The following MAGI2 variants were observed in gnomAD, a reference collection of about 807,000 sequenced individuals.
The protein encoded by MAGI2 is membrane-associated guanylate kinase, WW and PDZ domain-containing protein 2.
A neutral mutation model predicts 133.3 loss-of-function variants in MAGI2; 35 were observed. The observed-to-expected ratio is 0.26, with a 90% CI of 0.20 to 0.35. MAGI2 has a LOEUF of 0.35. MAGI2 is among the 10% of genes least tolerant of loss of function. The pLI, the probability that MAGI2 is intolerant of heterozygous loss-of-function variation, is 1.00. For missense variants in MAGI2, 1,636 were observed against 1,863.4 expected, an observed-to-expected ratio of 0.88 and a Z score of 2.25; for synonymous variants, 729 against 710.6, an observed-to-expected ratio of 1.03 and a Z score of -0.41.
At position 78,324,616 on chromosome 7, in the gene MAGI2, T is replaced by C. The variant is rs377691219; in HGVS notation, c.1408+19162A>G. On this transcript the variant is annotated intron_variant, in intron 9 of 21. Coordinates refer to ENST00000354212, the MANE Select transcript of MAGI2 (RefSeq NM_012301.4). Reference sequence around the variant, plus strand: ...ACTCTCAGTGAATGAGTGTTATTATTAGATAACCCATTCCATTGTAAGGTA... The same window carrying C: ...ACTCTCAGTGAATGAGTGTTATTATCAGATAACCCATTCCATTGTAAGGTA... 1.2e-4 allele frequency among the ~76,000 whole-genome samples: 19 copies of C among 152,200 alleles called. No individual in the cohort carries two copies. In the East Asian group the frequency reaches 1.5e-3, roughly 12 times the overall value.
chr7:78,081,221 T>C (rs1815934687), intron 20 of MAGI2, among the ~76,000 whole-genome samples: 1 of 152,204 alleles, frequency 6.6e-6, no homozygotes, highest in African/African-American at 2.4e-5. Context: ...ACTCTGATTA[T>C]TATGCCTCAT....
chr7:79,216,059 T>C (rs1830013019), intron 1 of MAGI2, among the ~76,000 whole-genome samples: 2 of 151,892 alleles, frequency 1.3e-5, no homozygotes, highest in South Asian at 2.1e-4. Flanking sequence ...TGTTCCCTTT[T>C]GGCCCACCAC....
chr7:78,718,588 T>C (rs1339191508), intron 2 of MAGI2, among the ~76,000 whole-genome samples: 1 of 151,746 alleles, frequency 6.6e-6, no homozygotes, highest in East Asian at 1.9e-4. Context: ...TGCCTGATGA[T>C]GTGTCACTGT....
At chr7:78,441,764 A>G (rs1268340046) in intron 6 of MAGI2, among the ~76,000 whole-genome samples, 1 of 152,226 alleles carries the variant, frequency 6.6e-6, no homozygotes, top group African/African-American at 2.4e-5. Flanking sequence ...AATGAAATAC[A>G]GAGGTCTGGG....
rs140835866 is a variant in MAGI2 at position 78,426,709 on chromosome 7, G to A, written c.1046-57496C>T. Among the ~76,000 whole-genome samples the A allele has an allele frequency of 1.5e-3, 225 of 152,194 alleles. 1 individual carries two copies. Among genetic ancestry groups the A allele is most frequent in the South Asian group, 2.7e-3 (13 of 4,814 alleles). On this transcript the variant is annotated intron_variant, in intron 6 of 21. Transcript: ENST00000354212. ...CACATATGTAATTGAAATTCCTGAA[G>A]GTGAGGAGAGAATGTTCCTAAACAA...
chr7:78,025,113 C>T (rs969810148), intron 21 of MAGI2, among the ~76,000 whole-genome samples: 1 of 152,248 alleles, frequency 6.6e-6, no homozygotes, highest in Non-Finnish European at 1.5e-5. Flanking sequence ...TTCATTTCCC[C>T]TCATTGCCTA....
intron 10 of MAGI2, among the ~76,000 whole-genome samples, chr7:78,218,229 C>T (rs1788457033): frequency 6.6e-6 from 1 of 152,202 alleles, no homozygotes; most frequent in Non-Finnish European, 1.5e-5. Context: ...AAGTCTGTGG[C>T]ATGTTGGAAC....
intron 1 of MAGI2, among the ~76,000 whole-genome samples, chr7:79,256,990 T>C (rs1833733411): frequency 6.6e-6 from 1 of 152,144 alleles, no homozygotes; most frequent in Non-Finnish European, 1.5e-5. Flanking sequence ...ATGGTGACTA[T>C]AGTTATTGAC....
intron 2 of MAGI2, among the ~76,000 whole-genome samples, chr7:78,849,134 A>G (rs1204147106): frequency 2.0e-5 from 3 of 152,102 alleles, no homozygotes; most frequent in Non-Finnish European, 4.4e-5. Context: ...TAAACTTCCT[A>G]CACATAAGAG....
chr7:78,476,848 T>C (rs1187099746), intron 6 of MAGI2, among the ~76,000 whole-genome samples: 1 of 149,990 alleles, frequency 6.7e-6, no homozygotes, highest in African/African-American at 2.5e-5. Flanking sequence ...TGCACTGAAT[T>C]GTATCATAAG....
chr7:78,962,615 G>GA (rs368705362), intron 2 of MAGI2, among the ~76,000 whole-genome samples: 6,035 of 141,560 alleles, frequency 0.043, 385 homozygotes, highest in African/African-American at 0.15. Context: ...GAAAATTGTA[G>GA]AAAAAAAAAA....
intron 21 of MAGI2, among the ~76,000 whole-genome samples, chr7:78,028,027 G>C (rs1809132820): frequency 1.3e-5 from 2 of 152,218 alleles, no homozygotes; most frequent in Admixed American, 1.3e-4. Context: ...GGACAGTAAT[G>C]TGAAGTCATT....
Position 78,505,196 on chromosome 7 carries a change from C to T in MAGI2, c.755-3409G>A, listed in dbSNP as rs541080395. Reference sequence around the variant, plus strand: ...ATCATCTTGCTGTCACTATTAATTGCATGGGCCAATTTTTCCCCTCTCTGC... The same window carrying T: ...ATCATCTTGCTGTCACTATTAATTGTATGGGCCAATTTTTCCCCTCTCTGC... On this transcript the variant is annotated intron_variant, in intron 4 of 21. Transcript: ENST00000354212. Among the ~76,000 whole-genome samples, 9 of 152,180 alleles carry T rather than the reference C, an allele frequency of 5.9e-5. No individual in the cohort carries two copies. The South Asian group carries it at 1.9e-3, about 32-fold the overall frequency.
At chr7:78,369,317 T>C (rs1048846640) in intron 6 of MAGI2, 104 bp from the exon 7 acceptor site, 18 of 768,488 alleles carry the variant, frequency 2.3e-5, no homozygotes, top group Middle Eastern at 3.9e-4. Flanking sequence ...TCTGCCAAAG[T>C]GGAACAAAGC....
chr7:78,341,777 AC>A (rs1291319485), intron 9 of MAGI2, among the ~76,000 whole-genome samples: 1 of 152,156 alleles, frequency 6.6e-6, no homozygotes, highest in African/African-American at 2.4e-5. Flanking sequence ...CTGAAACTGG[AC>A]CCCTTCCTTA....
intron 1 of MAGI2, among the ~76,000 whole-genome samples, chr7:79,117,257 T>A (rs1035117706): frequency 6.6e-6 from 1 of 152,202 alleles, no homozygotes; most frequent in Admixed American, 6.6e-5. Context: ...TAAACTGAAC[T>A]ATTTTTGCTG....
At chr7:78,984,622 T>C (rs564399719) in intron 2 of MAGI2, among the ~76,000 whole-genome samples, 2 of 151,922 alleles carry the variant, frequency 1.3e-5, no homozygotes, top group African/African-American at 4.8e-5. Context: ...TCTTCAAGTA[T>C]CTGCTCGTAT....
At chr7:78,543,936 A>T (rs1393601018) in intron 3 of MAGI2, among the ~76,000 whole-genome samples, 1 of 152,226 alleles carries the variant, frequency 6.6e-6, no homozygotes, top group Non-Finnish European at 1.5e-5. Context: ...ATTATTGCTT[A>T]GAAAAATAAA....
chr7:79,042,720 T>C (rs1256824692), intron 1 of MAGI2, among the ~76,000 whole-genome samples: 1 of 152,118 alleles, frequency 6.6e-6, no homozygotes, highest in Non-Finnish European at 1.5e-5. Context: ...GATCTGAATT[T>C]GATACTTGGC....
Sources: allele counts gnomAD v4.1 joint callset (sites outside exome capture counted in the v4.1 genomes callset), GRCh38; gene constraint gnomAD v4.1.1; transcripts MANE v1.5; gene names NCBI Gene and HGNC (gene_info 2026-07-23, HGNC 2026-07-21).